BBS12: variants seen among roughly 807,000 people sequenced by gnomAD.
BBS12 encodes Bardet-Biedl syndrome 12, also known as chaperonin-containing T-complex member BBS12.
In BBS12, 5 loss-of-function variants were observed where a neutral mutation model predicts 5.6. The ratio of observed to expected loss-of-function variants is 0.89; its 90% CI spans 0.46 to 1.86. The LOEUF is 1.86. BBS12 is among the 40% of genes most tolerant of loss of function. The pLI is 0.01. For missense variants in BBS12, 748 were observed against 830.4 expected, an observed-to-expected ratio of 0.90 and a Z score of 1.22; for synonymous variants, 308 against 306.8, an observed-to-expected ratio of 1.00 and a Z score of -0.04.
At chr4:122,715,861 TATAC>T in the BBS12 span, among the ~76,000 whole-genome samples, 1 of 152,242 alleles carries the variant, frequency 6.6e-6, no homozygotes, top group East Asian at 1.9e-4. Flanking sequence ...AAATTTTTTA[TATAC>T]AGTTTGTTCT....
chr4:122,731,215 A>G (rs1002009359), upstream of BBS12: 1 of 152,226 alleles, frequency 6.6e-6, no homozygotes, highest in African/African-American at 2.4e-5. Context: ...CCAAAAATGT[A>G]AGCTTCAAAA....
rs1800890314 is a variant in BBS12 at position 122,742,325 on chromosome 4, A to G, written c.433A>G (p.Lys145Glu). 4 of 1,614,126 alleles carry G rather than the reference A, an allele frequency of 2.5e-6. No homozygotes were observed. Among genetic ancestry groups the G allele is most frequent in the Non-Finnish European group, 3.4e-6 (4 of 1,180,012 alleles). ...TATATTTGACTGTATGGACAGCACA[A>G]AAACATTTTCTCAACTTGAAACATT... is the stretch of plus-strand genomic sequence containing the variant. ...HNIFDCMDSTKTFSQLETFSV... is the reference protein window; with the variant it reads ...HNIFDCMDSTETFSQLETFSV... Residue 145 changes from lysine to glutamate, a missense_variant, in exon 2 of 2, where the codon AAA (lysine) becomes GAA (glutamate). Transcript: ENST00000314218.
At chr4:122,708,253 C>T in the BBS12 span, among the ~76,000 whole-genome samples, 2 of 152,128 alleles carry the variant, frequency 1.3e-5, no homozygotes, top group South Asian at 4.1e-4. Context: ...TCAAGTGATC[C>T]ACCTGCCTCA....
intron 1 of BBS12, among the ~76,000 whole-genome samples, chr4:122,737,787 TA>T (rs1178937272): frequency 2.0e-5 from 3 of 152,224 alleles, no homozygotes; most frequent in Non-Finnish European, 4.4e-5. Context: ...TACAAAGCTA[TA>T]GTACTTAAAA....
At chr4:122,703,984 G>GAA in the BBS12 span, among the ~76,000 whole-genome samples, 1 of 152,112 alleles carries the variant, frequency 6.6e-6, no homozygotes, top group Non-Finnish European at 1.5e-5. Context: ...GAACAGCTGG[G>GAA]ACCACAGGCT....
At chr4:122,716,643 ACGTGTGTGTATATGCACATACACATATG>A in the BBS12 span, among the ~76,000 whole-genome samples, 31 of 74,926 alleles carry the variant, frequency 4.1e-4, no homozygotes, top group African/African-American at 1.5e-3. Flanking sequence ...GTATATACAC[ACGTGTGTGTATATGCACATACACATATG>A]TGTATATATA....
chr4:122,714,516 A>C, the BBS12 span, among the ~76,000 whole-genome samples: 1 of 152,102 alleles, frequency 6.6e-6, no homozygotes, highest in Non-Finnish European at 1.5e-5. Flanking sequence ...GTGGTGGCTC[A>C]TGCCTATAAT....
At chr4:122,708,480 G>A in the BBS12 span, among the ~76,000 whole-genome samples, 4 of 152,110 alleles carry the variant, frequency 2.6e-5, no homozygotes, top group Admixed American at 2.6e-4. Flanking sequence ...AGGAGATGGG[G>A]ATAACACCCT....
chr4:122,733,613 T>G (rs1800739093), intron 1 of BBS12, among the ~76,000 whole-genome samples: 1 of 152,206 alleles, frequency 6.6e-6, no homozygotes, highest in Admixed American at 6.5e-5. Flanking sequence ...GATTTACTGC[T>G]TCTGCCCGTT....
the BBS12 span, among the ~76,000 whole-genome samples, chr4:122,704,615 C>T: frequency 6.6e-6 from 1 of 152,190 alleles, no homozygotes; most frequent in Admixed American, 6.5e-5. Context: ...TCACCATTTT[C>T]TCCGTTTTGC....
At chr4:122,718,824 C>G in the BBS12 span, among the ~76,000 whole-genome samples, 14 of 152,042 alleles carry the variant, frequency 9.2e-5, no homozygotes, top group South Asian at 2.1e-4. Flanking sequence ...TTATTTTCTT[C>G]TTTGTTTGTT....
upstream of BBS12, chr4:122,732,240 ATAGT>A (rs748785863): frequency 6.6e-6 from 1 of 152,260 alleles, no homozygotes; most frequent in Non-Finnish European, 1.5e-5. Flanking sequence ...TATAACTGGA[ATAGT>A]TAGCAGAACC....
the BBS12 span, among the ~76,000 whole-genome samples, chr4:122,714,917 C>T: frequency 0.051 from 7,781 of 151,996 alleles, 636 homozygotes; most frequent in African/African-American, 0.18. Flanking sequence ...CATGACAATA[C>T]ATGTCTATCA....
chr4:122,712,008 C>G, the BBS12 span, among the ~76,000 whole-genome samples: 1 of 152,188 alleles, frequency 6.6e-6, no homozygotes, highest in Non-Finnish European at 1.5e-5. Flanking sequence ...TGGGGTAGAC[C>G]TTCTGCTGCC....
At chr4:122,736,458 T>G (rs309360) in intron 1 of BBS12, among the ~76,000 whole-genome samples, 7,208 of 152,198 alleles carry the variant, frequency 0.047, 551 homozygotes, top group African/African-American at 0.16. Context: ...GCATTGCATG[T>G]CTTATTACTC....
At chr4:122,710,546 G>A in the BBS12 span, among the ~76,000 whole-genome samples, 4 of 152,170 alleles carry the variant, frequency 2.6e-5, no homozygotes, top group African/African-American at 4.8e-5. Flanking sequence ...CAGTTCTGCT[G>A]GGTTAGAGAG....
chr4:122,706,549 A>C, the BBS12 span, among the ~76,000 whole-genome samples: 1 of 152,130 alleles, frequency 6.6e-6, no homozygotes, highest in East Asian at 1.9e-4. Flanking sequence ...CAGCCTGAGT[A>C]ACATGGCAAG....
chr4:122,721,506 A>T, the BBS12 span, among the ~76,000 whole-genome samples: 1 of 152,228 alleles, frequency 6.6e-6, no homozygotes, highest in African/African-American at 2.4e-5. Flanking sequence ...TAAAACAATC[A>T]CAGCATTTAT....
Position 122,742,319 on chromosome 4 carries a change from A to G in BBS12, c.427A>G (p.Ser143Gly). Residue 143 changes from serine (S) to glycine (G), a missense_variant, in exon 2 of 2, where the codon AGC becomes GGC. Physicochemically the swap from Ser to Gly is moderately conservative, Grantham distance 56. Transcript: ENST00000314218. The stretch of plus-strand genomic sequence containing the variant: ...TCACAATATATTTGACTGTATGGAC[A>G]GCACAAAAACATTTTCTCAACTTGA... ...PVHNIFDCMDSTKTFSQLETF... is the reference protein window; with the variant it reads ...PVHNIFDCMDGTKTFSQLETF... 1 of 1,614,148 alleles carries G rather than the reference A, an allele frequency of 6.2e-7. No homozygotes were observed. The highest frequency in any genetic ancestry group is 8.5e-7 in the Non-Finnish European group (1 of 1,180,014).
Sources: gnomAD v4.1 joint callset for allele counts (sites outside exome capture counted in the v4.1 genomes callset) on GRCh38, gnomAD v4.1.1 for gene constraint, MANE v1.5 for transcripts, NCBI Gene and HGNC (gene_info 2026-07-23, HGNC 2026-07-21) for gene names.